Variants in PALLD observed in about 807,000 individuals in gnomAD.
PALLD encodes the protein palladin, cytoskeletal associated protein, also known as palladin.
In PALLD, 61 loss-of-function variants were observed where a neutral mutation model predicts 123.5. The ratio of observed to expected loss-of-function variants is 0.49; its 90% CI spans 0.40 to 0.61. PALLD has a LOEUF of 0.61. Among genes scored for constraint, PALLD ranks in the 20% least tolerant of loss-of-function variants. The pLI is 0.00. For missense variants in PALLD, 1,273 were observed against 1,377.0 expected, an observed-to-expected ratio of 0.92 and a Z score of 1.20; for synonymous variants, 465 against 496.4, an observed-to-expected ratio of 0.94 and a Z score of 0.84.
intron 15 of PALLD, among the ~76,000 whole-genome samples, chr4:168,909,817 T>A (rs1758540204): frequency 6.6e-6 from 1 of 152,202 alleles, no homozygotes; most frequent in African/African-American, 2.4e-5. Flanking sequence ...AATTTTCTAT[T>A]ATGCACATGG....
chr4:168,644,397 A>G (rs1341420871), intron 2 of PALLD, among the ~76,000 whole-genome samples: 5 of 152,082 alleles, frequency 3.3e-5, no homozygotes, highest in Non-Finnish European at 7.4e-5. Flanking sequence ...CCGGATGTTG[A>G]TATCTTTCAA....
rs370178245 is a variant in PALLD at position 168,511,903 on chromosome 4, C to A, written c.399C>A (p.Tyr133Ter). Residue 133 changes from tyrosine to a stop codon, truncating the protein, a stop_gained, in exon 2 of 22, where the codon TAC becomes TAA. Coordinates refer to ENST00000505667, the MANE Select transcript of PALLD (RefSeq NM_001166108.2). LOFTEE classifies it high-confidence loss of function. The stretch of plus-strand genomic sequence containing the variant: ...CACCCCTGCTCACCAGGCCCAGCTA[C>A]ATCCGGAGCCTCCGAAAGGCTGAAA... ...AMSPLLTRPS[Y>*]IRSLRKAEKR... 1 of 1,614,192 alleles carries A rather than the reference C, an allele frequency of 6.2e-7. No homozygotes were observed. The highest frequency in any genetic ancestry group is 1.3e-5 in the African/African-American group (1 of 75,046).
intron 10 of PALLD, among the ~76,000 whole-genome samples, chr4:168,783,264 A>G (rs1736208402): frequency 6.6e-6 from 1 of 152,182 alleles, no homozygotes; most frequent in African/African-American, 2.4e-5. Flanking sequence ...TATTAAAGGA[A>G]GATTTTAAAA....
rs1560929744 is a variant in PALLD at position 168,921,740 on chromosome 4, T to C, written c.3057T>C (p.Ala1019=). The change falls in exon 18 of 22, where the codon GCT becomes GCC. Residue 1019 remains alanine, a splice_region_variant and synonymous_variant. Transcript: ENST00000505667. ...CATTCAGCCTGGAGCTTGTGGTTGC[T>C]GGTAGGCTCATCTGTGAATCCTTGC... The part of the protein sequence containing the change: ...QNSFSLELVV[A]AKEAHKPPVF... 1.2e-6 allele frequency: 2 copies of C among 1,610,242 alleles called. No homozygotes were observed. Among genetic ancestry groups the C allele is most frequent in the Non-Finnish European group, 1.7e-6 (2 of 1,178,564 alleles).
At chr4:168,635,020 T>A (rs1776203013) in intron 2 of PALLD, among the ~76,000 whole-genome samples, 1 of 152,188 alleles carries the variant, frequency 6.6e-6, no homozygotes, top group Admixed American at 6.5e-5. Context: ...AAGGGCCAAA[T>A]ACCATTGCCA....
chr4:168,796,020 C>T (rs1387537825), intron 10 of PALLD, among the ~76,000 whole-genome samples: 3 of 152,202 alleles, frequency 2.0e-5, no homozygotes, highest in South Asian at 4.1e-4. Context: ...GTACCCGTCC[C>T]CTGAATCATT....
At chr4:168,768,274 T>A (rs188737856) in intron 10 of PALLD, among the ~76,000 whole-genome samples, 1 of 152,336 alleles carries the variant, frequency 6.6e-6, no homozygotes, top group African/African-American at 2.4e-5. Context: ...CAAACTTTAG[T>A]CTATTGTCCA....
chr4:168,794,197 C>T (rs1414044208), intron 10 of PALLD, among the ~76,000 whole-genome samples: 4 of 152,168 alleles, frequency 2.6e-5, no homozygotes, highest in South Asian at 4.1e-4. Context: ...GATAGTGACC[C>T]GGTAGGCTCC....
intron 2 of PALLD, among the ~76,000 whole-genome samples, chr4:168,646,786 T>G (rs1777501365): frequency 1.3e-5 from 2 of 152,208 alleles, no homozygotes; most frequent in African/African-American, 4.8e-5. Context: ...CTATAAAATC[T>G]TAGAAGATGA....
chr4:168,560,896 T>C (rs1199586278), intron 2 of PALLD, among the ~76,000 whole-genome samples: 1 of 152,218 alleles, frequency 6.6e-6, no homozygotes, highest in Non-Finnish European at 1.5e-5. Flanking sequence ...AGTGCATACA[T>C]ACACACAAGT....
chr4:168,659,555 T>C (rs1778931049), intron 2 of PALLD, among the ~76,000 whole-genome samples: 1 of 152,158 alleles, frequency 6.6e-6, no homozygotes, highest in South Asian at 2.1e-4. Flanking sequence ...CAACATAACC[T>C]TGTTTCCCCT....
intron 10 of PALLD, among the ~76,000 whole-genome samples, chr4:168,790,411 C>T (rs1184571359): frequency 6.6e-6 from 1 of 151,940 alleles, no homozygotes; most frequent in Non-Finnish European, 1.5e-5. Context: ...CTGCCCACCT[C>T]AGTCTCCCAA....
At position 168,555,689 on chromosome 4, in the gene PALLD, C is replaced by T. The variant is rs367645421; in HGVS notation, c.908+43277C>T. Among the ~76,000 whole-genome samples the T allele has an allele frequency of 3.3e-5, 5 of 152,318 alleles. No individual in the cohort carries two copies. The South Asian group carries it at 1.0e-3, about 32-fold the overall frequency. On this transcript the variant is annotated intron_variant, in intron 2 of 21. Coordinates refer to ENST00000505667, the MANE Select transcript of PALLD (RefSeq NM_001166108.2). ...CGCAAAAGTAAGTAGACCAGCTGTT[C>T]CATTTCAGAATAGACTTGCCAAGCA... is the stretch of plus-strand genomic sequence containing the variant.
intron 10 of PALLD, among the ~76,000 whole-genome samples, chr4:168,719,316 G>T (rs953523759): frequency 1.6e-5 from 2 of 121,906 alleles, no homozygotes; most frequent in South Asian, 2.9e-4. Context: ...GGAGTGCAAT[G>T]ACACAATCTC....
chr4:168,798,023 CACAA>C (rs1738770632), intron 10 of PALLD, among the ~76,000 whole-genome samples: 1 of 152,150 alleles, frequency 6.6e-6, no homozygotes, highest in Non-Finnish European at 1.5e-5. Context: ...CAAAATTGCA[CACAA>C]ACAAGCCCCA....
intron 10 of PALLD, among the ~76,000 whole-genome samples, chr4:168,890,637 C>T (rs1029103023): frequency 3.8e-4 from 58 of 151,850 alleles, no homozygotes; most frequent in Non-Finnish European, 7.4e-5. Flanking sequence ...TTTATGCTGC[C>T]GCCTCGCTAA....
Position 168,926,388 on chromosome 4 carries a change from C to G in PALLD, c.*208C>G, listed in dbSNP as rs1366057597. ...TGGTAGAAAGTGAGGACCTGTAATCCAGCATTCTTGTTAAAGCTGAAACAC... is the reference window on the plus strand; with the variant it reads ...TGGTAGAAAGTGAGGACCTGTAATCGAGCATTCTTGTTAAAGCTGAAACAC... On this transcript the variant is annotated 3_prime_UTR_variant, in exon 22 of 22. Transcript: ENST00000505667. 1.3e-6 allele frequency: 2 copies of G among 1,535,242 alleles called. No individual in the cohort carries two copies. The highest frequency in any genetic ancestry group is 1.7e-6 in the Non-Finnish European group (2 of 1,145,262).
intron 10 of PALLD, among the ~76,000 whole-genome samples, chr4:168,857,652 C>T (rs927022254): frequency 9.9e-5 from 15 of 152,142 alleles, no homozygotes; most frequent in Admixed American, 3.3e-4. Context: ...AAATAGATAA[C>T]CTAAAGTTGT....
At chr4:168,645,052 C>G (rs1777307716) in intron 2 of PALLD, among the ~76,000 whole-genome samples, 4 of 149,372 alleles carry the variant, frequency 2.7e-5, no homozygotes, top group Admixed American at 6.7e-5. Context: ...GAGCTGAGAT[C>G]ACACCAGTGC....
Sources: allele counts gnomAD v4.1 joint callset (sites outside exome capture counted in the v4.1 genomes callset), GRCh38; gene constraint gnomAD v4.1.1; transcripts MANE v1.5; gene names NCBI Gene and HGNC (gene_info 2026-07-23, HGNC 2026-07-21).